RASA2: variants seen among roughly 807,000 people sequenced by gnomAD.
The protein encoded by RASA2 is ras GTPase-activating protein 2.
A neutral mutation model predicts 118.2 loss-of-function variants in RASA2; 155 were observed. The observed-to-expected ratio is 1.31, with a 90% CI of 1.15 to 1.50. RASA2 has a LOEUF of 1.50. RASA2 is among the 40% of genes most tolerant of loss of function. The pLI is 0.00. For missense variants in RASA2, 1,016 were observed against 1,009.6 expected (o/e 1.01, Z -0.09); for synonymous variants, 353 against 349.1 (o/e 1.01, Z -0.12).
rs2083681627 is a variant in RASA2, at chr3:141,613,395, A to G, written c.*1082A>G. 6.6e-6 allele frequency: 1 copy of G among 152,174 alleles called. No individual in the cohort carries two copies. Among genetic ancestry groups the G allele is most frequent in the African/African-American group, 2.4e-5 (1 of 41,442 alleles). The allele number at this position is 152,174 out of a possible 1,614,324, so 9.4% of individuals were successfully genotyped here. A position where few individuals can be genotyped will look rare whatever the true frequency, so the allele number is the denominator to read the frequency against. ...CTGTTTCCTTATTGCCTGCTAGCCA[A>G]ATGGAATTTGGGCAAGCAACTCTTT... On this transcript the variant is annotated 3_prime_UTR_variant, in exon 24 of 24. Transcript: ENST00000286364.
At chr3:141,604,687 A>G (rs1360946687) in intron 19 of RASA2, among the ~76,000 whole-genome samples, 2 of 145,322 alleles carry the variant, frequency 1.4e-5, no homozygotes, top group East Asian at 2.1e-4. Flanking sequence ...TACTTAAGGA[A>G]TTCTTTCAGA....
Position 141,577,094 on chromosome 3 carries a change from A to G in RASA2, c.1578A>G (p.Arg526=). 6.3e-7 allele frequency: 1 copy of G among 1,592,754 alleles called. No homozygotes were observed. Among genetic ancestry groups the G allele is most frequent in the Non-Finnish European group, 8.6e-7 (1 of 1,163,046 alleles). Residue 526 remains arginine, a synonymous_variant, in exon 15 of 24, where the codon CGA becomes CGG. Coordinates refer to ENST00000286364, the MANE Select transcript of RASA2 (RefSeq NM_006506.5). ...TATCACCTCATACTTTTCATTTGCG[A>G]CCTCATCATCCAGTAAGTGTTCATT... ...AVVSPHTFHL[R]PHHPDAQTIR...
At chr3:141,550,101 A>C (rs967662716) in intron 5 of RASA2, among the ~76,000 whole-genome samples, 2 of 152,216 alleles carry the variant, frequency 1.3e-5, no homozygotes, top group African/African-American at 4.8e-5. Context: ...GAAAATCAAC[A>C]TTGGCAAACA....
intron 9 of RASA2, 55 bp from the exon 10 acceptor site, chr3:141,570,857 C>T: frequency 2.0e-6 from 3 of 1,507,332 alleles, no homozygotes; most frequent in South Asian, 1.2e-5. Flanking sequence ...CTTAACTTGC[C>T]TCATTGGCTT....
intron 17 of RASA2, among the ~76,000 whole-genome samples, chr3:141,584,773 G>C (rs1250635521): frequency 6.6e-6 from 1 of 152,104 alleles, no homozygotes; most frequent in Non-Finnish European, 1.5e-5. Flanking sequence ...ATTTAGAAAT[G>C]TAATAGTTAC....
At chr3:141,497,375 G>A (rs963611530) in intron 1 of RASA2, among the ~76,000 whole-genome samples, 1 of 151,392 alleles carries the variant, frequency 6.6e-6, no homozygotes, top group Non-Finnish European at 1.5e-5. Flanking sequence ...ATTTCCTATA[G>A]GGAGTATATT....
intron 3 of RASA2, among the ~76,000 whole-genome samples, chr3:141,525,567 A>G (rs767870370): frequency 1.3e-5 from 2 of 152,182 alleles, no homozygotes; most frequent in Non-Finnish European, 2.9e-5. Context: ...GCACTTTGGG[A>G]GGCCAAGGCA....
At chr3:141,587,166 A>G (rs914238447) in intron 19 of RASA2, among the ~76,000 whole-genome samples, 3 of 152,202 alleles carry the variant, frequency 2.0e-5, no homozygotes, top group African/African-American at 4.8e-5. Context: ...TCCCACAGTT[A>G]TACCATAGAT....
At chr3:141,504,846 T>G (rs1214655566) in intron 1 of RASA2, among the ~76,000 whole-genome samples, 1 of 152,172 alleles carries the variant, frequency 6.6e-6, no homozygotes, top group Non-Finnish European at 1.5e-5. Flanking sequence ...CTCCCCACTT[T>G]GCTTATTGCT....
At chr3:141,488,660 C>G (rs998411687) in intron 1 of RASA2, among the ~76,000 whole-genome samples, 2 of 152,094 alleles carry the variant, frequency 1.3e-5, no homozygotes, top group Non-Finnish European at 2.9e-5. Flanking sequence ...GGCATAAAAC[C>G]TTTTCAGAAT....
rs563071305 is a variant in RASA2 at position 141,487,378 on chromosome 3, G to A, written c.133+162G>A. Reference sequence around the variant, plus strand: ...TGAGGCTGGAAGGGGGTGTGTTGGGGGGCGGCGTCGCCTCGACGGGGCGGC... The same window carrying A: ...TGAGGCTGGAAGGGGGTGTGTTGGGAGGCGGCGTCGCCTCGACGGGGCGGC... On this transcript the variant is annotated intron_variant, in intron 1 of 23. Transcript: ENST00000286364. Among the ~76,000 whole-genome samples the A allele has an allele frequency of 1.4e-3, 213 of 151,602 alleles. 1 individual carries two copies. The Middle Eastern group carries it at 0.024, about 17-fold the overall frequency.
chr3:141,604,680 T>C (rs2083518991), intron 19 of RASA2, among the ~76,000 whole-genome samples: 1 of 151,672 alleles, frequency 6.6e-6, no homozygotes, highest in African/African-American at 2.4e-5. Flanking sequence ...GTGGGAGTAC[T>C]TAAGGAATTC....
intron 19 of RASA2, among the ~76,000 whole-genome samples, chr3:141,593,534 CCT>C (rs1346927704): frequency 1.3e-5 from 2 of 152,096 alleles, no homozygotes; most frequent in African/African-American, 4.8e-5. Flanking sequence ...CATGTGAACT[CCT>C]CTGAAATATT....
At chr3:141,533,029 T>C (rs1560013506) in intron 4 of RASA2, among the ~76,000 whole-genome samples, 2 of 152,184 alleles carry the variant, frequency 1.3e-5, no homozygotes, top group Non-Finnish European at 2.9e-5. Context: ...CATTGTATTC[T>C]TTTTGTATGT....
intron 9 of RASA2, among the ~76,000 whole-genome samples, chr3:141,565,341 C>T (rs371292240): frequency 6.6e-6 from 1 of 152,134 alleles, no homozygotes; most frequent in Non-Finnish European, 1.5e-5. Context: ...GCAAGGTTGC[C>T]GAACATGCCC....
At chr3:141,513,801 ACAT>A (rs1320429806) in intron 2 of RASA2, among the ~76,000 whole-genome samples, 1 of 152,230 alleles carries the variant, frequency 6.6e-6, no homozygotes, top group Non-Finnish European at 1.5e-5. Context: ...TTTAGTTATG[ACAT>A]CATAAAGATA....
rs116972692 is a variant in RASA2, at chr3:141,517,499, C to T, written c.355+1068C>T. On this transcript the variant is annotated intron_variant, in intron 3 of 23. Transcript: ENST00000286364. ...CTACACACTTTTACAATAACCAGAT[C>T]TCATGAGAACTCACTGTCATGAGAG... 1.4e-3 allele frequency among the ~76,000 whole-genome samples: 216 copies of T among 152,232 alleles called. 6 individuals are homozygous for T. The East Asian group carries it at 0.024, about 17-fold the overall frequency.
At position 141,529,837 on chromosome 3, in the gene RASA2, T is replaced by C. The variant is rs570255208; in HGVS notation, c.450+35T>C. ...AAGGCTTATGTAATACAAGAGATTGTCACAGGAAATGAGTAAAAAATGAAC... is the reference window on the plus strand; with the variant it reads ...AAGGCTTATGTAATACAAGAGATTGCCACAGGAAATGAGTAAAAAATGAAC... On this transcript the variant is annotated intron_variant, in intron 4 of 23. Coordinates refer to ENST00000286364, the MANE Select transcript of RASA2 (RefSeq NM_006506.5). 24 of 1,468,230 alleles carry C rather than the reference T, an allele frequency of 1.6e-5. No homozygotes were observed. The South Asian group carries it at 1.9e-4, about 12-fold the overall frequency. 91.0% of individuals were successfully genotyped at this position (1,468,230 alleles called of 1,614,324 possible). A position where few individuals can be genotyped will look rare whatever the true frequency, so the allele number is the denominator to read the frequency against.
intron 1 of RASA2, among the ~76,000 whole-genome samples, chr3:141,500,614 G>T (rs540676282): frequency 2.9e-4 from 44 of 152,278 alleles, no homozygotes; most frequent in African/African-American, 9.4e-4. Context: ...CTGGCATTTT[G>T]TGCTCAGTTA....
Sources: allele counts gnomAD v4.1 joint callset (sites outside exome capture counted in the v4.1 genomes callset), GRCh38; gene constraint gnomAD v4.1.1; transcripts MANE v1.5; gene names NCBI Gene and HGNC (gene_info 2026-07-23, HGNC 2026-07-21).